The following SFMBT1 variants were observed in gnomAD, a reference collection of about 807,000 sequenced individuals.
The protein encoded by SFMBT1 is Scm like with four mbt domains 1.
SFMBT1 carries 32 observed loss-of-function variants against 108.7 expected under a neutral mutation model. The ratio of observed to expected loss-of-function variants is 0.29; its 90% confidence interval spans 0.22 to 0.40. The LOEUF is 0.40. Among genes scored for constraint, SFMBT1 ranks in the 10% least tolerant of loss-of-function variants. SFMBT1 has a pLI of 1.00. For missense variants in SFMBT1, 816 were observed against 1,059.6 expected, an observed-to-expected ratio of 0.77 and a Z score of 3.19; for synonymous variants, 348 against 369.5, an observed-to-expected ratio of 0.94 and a Z score of 0.67.
rs1025850782 is a variant in SFMBT1 at position 52,920,446 on chromosome 3, T to A, written c.1372+91A>T. On this transcript the variant is annotated intron_variant, in intron 12 of 20. Coordinates refer to ENST00000394752, the MANE Select transcript of SFMBT1 (RefSeq NM_016329.4). ...CAGAGAACCAGAATGTCATTTTTTT[T>A]CTCTGAAATGTCCAGATTAGTTTTA... 1.4e-4 allele frequency: 127 copies of A among 877,482 alleles called. 1 individual carries two copies. In the South Asian group the frequency reaches 1.8e-3, roughly 13 times the overall value. The allele number at this position is 877,482 out of a possible 1,614,324, so 54.4% of individuals were successfully genotyped here.
At chr3:53,017,441 T>C (rs1344356881) in intron 1 of SFMBT1, among the ~76,000 whole-genome samples, 2 of 152,202 alleles carry the variant, frequency 1.3e-5, no homozygotes, top group African/African-American at 2.4e-5. Flanking sequence ...TGTTCCAGGA[T>C]CCAGGGATGA....
chr3:52,921,716 A>T lies in SFMBT1; in HGVS notation c.1247T>A (p.Leu416His). 1 of 1,614,096 alleles carries T rather than the reference A, an allele frequency of 6.2e-7. No individual in the cohort carries two copies. The highest frequency in any genetic ancestry group is 8.5e-7 in the Non-Finnish European group (1 of 1,179,994). Residue 416 changes from leucine (L) to histidine (H), a missense_variant, in exon 11 of 21, where the codon CTC (leucine) becomes CAC (histidine). Transcript: ENST00000394752. ...ITAVRGSYLW[L>H]QLEGSKKPIP... ...GTGCTGGCACTCACCCTCCAGCTGG[A>T]GCCACAGGTAGGAGCCTCTCACTGC...
chr3:52,923,081 C>A (rs1378737012), intron 10 of SFMBT1, among the ~76,000 whole-genome samples: 3 of 152,138 alleles, frequency 2.0e-5, no homozygotes, highest in Non-Finnish European at 4.4e-5. Flanking sequence ...CTTTCAGTCA[C>A]CCATTCTTAA....
intron 10 of SFMBT1, 41 bp from the exon 11 acceptor site, chr3:52,921,872 C>A: frequency 4.4e-6 from 7 of 1,606,616 alleles, no homozygotes; most frequent in South Asian, 1.1e-5. Context: ...TGGATTAACA[C>A]AGTATTAACT....
At chr3:53,038,376 T>C (rs1367333192) in intron 1 of SFMBT1, among the ~76,000 whole-genome samples, 2 of 152,232 alleles carry the variant, frequency 1.3e-5, no homozygotes, top group Non-Finnish European at 2.9e-5. Flanking sequence ...AATTGAATAG[T>C]AACACAACGC....
intron 1 of SFMBT1, among the ~76,000 whole-genome samples, chr3:53,006,383 C>T (rs768040815): frequency 6.6e-6 from 1 of 152,142 alleles, no homozygotes; most frequent in Non-Finnish European, 1.5e-5. Flanking sequence ...GTAATCCCAG[C>T]ACTTTCGGAG....
intron 17 of SFMBT1, among the ~76,000 whole-genome samples, chr3:52,910,627 T>A (rs2106762971): frequency 6.6e-6 from 1 of 152,276 alleles, no homozygotes; most frequent in Admixed American, 6.5e-5. Flanking sequence ...CAGCTGGGAT[T>A]ACGGGCAGGT....
At chr3:52,918,409 G>T in intron 13 of SFMBT1, 75 bp downstream of exon 13, 1 of 1,181,086 alleles carries the variant, frequency 8.5e-7, no homozygotes. Context: ...AGAAAATGAG[G>T]AAATATACCC....
At chr3:53,038,661 G>C (rs1483022301) in intron 1 of SFMBT1, among the ~76,000 whole-genome samples, 1 of 152,106 alleles carries the variant, frequency 6.6e-6, no homozygotes, top group Non-Finnish European at 1.5e-5. Context: ...TCTCCAACCA[G>C]GATTGGACAT....
In SFMBT1 at chr3:52,998,554, C is replaced by T. The variant is rs953055960; in HGVS notation, c.-130-29296G>A. On this transcript the variant is annotated intron_variant, in intron 1 of 20. Transcript: ENST00000394752. ...GAAGGGCCCAGCCATAGCTCTCGCCCTCGCAGGGTCCCTCCAGGGTCTCTG... is the reference window on the plus strand; with the variant it reads ...GAAGGGCCCAGCCATAGCTCTCGCCTTCGCAGGGTCCCTCCAGGGTCTCTG... Among the ~76,000 whole-genome samples, 4 of 150,254 alleles carry T rather than the reference C, an allele frequency of 2.7e-5. 1 individual carries two copies. Among genetic ancestry groups the T allele is most frequent in the Admixed American group, 2.0e-4 (3 of 14,936 alleles).
chr3:52,918,411 A>G, intron 13 of SFMBT1, 73 bp downstream of exon 13: 1 of 1,204,876 alleles, frequency 8.3e-7, no homozygotes, highest in Non-Finnish European at 1.2e-6. Flanking sequence ...AAAATGAGGA[A>G]ATATACCCTC....
chr3:52,929,474 G>A (rs548827364), intron 8 of SFMBT1, among the ~76,000 whole-genome samples: 1 of 152,156 alleles, frequency 6.6e-6, no homozygotes, highest in African/African-American at 2.4e-5. Context: ...CCTGACCTCA[G>A]GTGATCTGCC....
chr3:52,987,210 T>G (rs1217724749), intron 1 of SFMBT1, among the ~76,000 whole-genome samples: 1 of 152,022 alleles, frequency 6.6e-6, no homozygotes, highest in Non-Finnish European at 1.5e-5. Flanking sequence ...TGGCTTACAG[T>G]TAATTTTTTT....
intron 2 of SFMBT1, among the ~76,000 whole-genome samples, chr3:52,967,956 G>A (rs1199806632): frequency 3.9e-5 from 6 of 152,166 alleles, no homozygotes; most frequent in Non-Finnish European, 8.8e-5. Flanking sequence ...GTGCTGCTGG[G>A]TATGTACCCC....
intron 1 of SFMBT1, among the ~76,000 whole-genome samples, chr3:53,015,687 A>C (rs1234578789): frequency 6.6e-6 from 1 of 152,244 alleles, no homozygotes. Flanking sequence ...CCAAAAGACC[A>C]CATATTATAT....
chr3:52,954,042 G>A (rs1335836733), intron 3 of SFMBT1, among the ~76,000 whole-genome samples: 3 of 151,920 alleles, frequency 2.0e-5, no homozygotes, highest in East Asian at 1.9e-4. Flanking sequence ...GGAGAATGGC[G>A]TGAACCCGGG....
chr3:52,945,763 C>T (rs972706661), intron 3 of SFMBT1, among the ~76,000 whole-genome samples: 1 of 149,084 alleles, frequency 6.7e-6, no homozygotes, highest in African/African-American at 2.5e-5. Context: ...GCCGAGATCG[C>T]ACCACGGCAG....
chr3:52,955,139 A>C (rs1052536623), intron 2 of SFMBT1, among the ~76,000 whole-genome samples: 1 of 152,040 alleles, frequency 6.6e-6, no homozygotes, highest in African/African-American at 2.4e-5. Flanking sequence ...TTTTTGAAAA[A>C]ATTAATAAAA....
At chr3:52,962,149 T>C (rs1311450344) in intron 2 of SFMBT1, among the ~76,000 whole-genome samples, 3 of 152,214 alleles carry the variant, frequency 2.0e-5, no homozygotes, top group Non-Finnish European at 4.4e-5. Flanking sequence ...TAAAGCATAA[T>C]GACACAACCT....
Sources: gnomAD v4.1 joint callset for allele counts (sites outside exome capture counted in the v4.1 genomes callset) on GRCh38, gnomAD v4.1.1 for gene constraint, MANE v1.5 for transcripts, NCBI Gene and HGNC (gene_info 2026-07-23, HGNC 2026-07-21) for gene names.